GTF3C1: variants seen among roughly 807,000 people sequenced by gnomAD.
The protein encoded by GTF3C1 is general transcription factor IIIC subunit 1.
A neutral mutation model predicts 226.7 loss-of-function variants in GTF3C1; 57 were observed. That is an observed-to-expected ratio of 0.25 (90% CI 0.20 to 0.31). GTF3C1 has a LOEUF of 0.31. GTF3C1 is among the 10% of genes least tolerant of loss of function. GTF3C1 has a pLI of 1.00. For missense variants in GTF3C1, 2,217 were observed against 2,776.1 expected, an observed-to-expected ratio of 0.80 and a Z score of 4.53; for synonymous variants, 1,090 against 1,084.8, an observed-to-expected ratio of 1.00 and a Z score of -0.09.
chr16:27,465,111 C>G (rs1364302735), intron 33 of GTF3C1, 149 bp downstream of exon 33: 1 of 737,440 alleles, frequency 1.4e-6, no homozygotes, highest in Non-Finnish European at 2.2e-6. Context: ...TGTGAAATGC[C>G]CCAGTTTTCA....
At position 27,462,740 on chromosome 16, in the gene GTF3C1, A is replaced by C; in HGVS notation, c.5925-254T>G. 2.1e-6 allele frequency: 1 copy of C among 472,952 alleles called. No homozygotes were observed. The highest frequency in any genetic ancestry group is 3.5e-5 in the South Asian group (1 of 28,614). 29.3% of individuals were successfully genotyped at this position (472,952 alleles called of 1,614,324 possible). On this transcript the variant is annotated intron_variant, in intron 35 of 36. Transcript: ENST00000356183. The surrounding 1 kb of genome is among the most constrained non-coding windows in gnomAD (Gnocchi z 4.5). ...CTGTAACTGAGGCCTCAGTGGGCCC[A>C]CCCACATTGGCAGGAGAGGGACAAG...
At chr16:27,526,230 T>C (rs1478810075) in intron 6 of GTF3C1, among the ~76,000 whole-genome samples, 2 of 152,220 alleles carry the variant, frequency 1.3e-5, no homozygotes, top group African/African-American at 4.8e-5. Context: ...CAAATGGTTC[T>C]AGGAGCCCAC....
At chr16:27,486,465 T>C (rs2088140164) in intron 23 of GTF3C1, among the ~76,000 whole-genome samples, 1 of 152,188 alleles carries the variant, frequency 6.6e-6, no homozygotes, top group Non-Finnish European at 1.5e-5. Context: ...GACAGAGTCC[T>C]TTGAAGGCAT....
chr16:27,476,141 T>C (rs2087946968), intron 29 of GTF3C1, among the ~76,000 whole-genome samples: 2 of 152,172 alleles, frequency 1.3e-5, no homozygotes, highest in African/African-American at 4.8e-5. Context: ...GATCGCCAAG[T>C]GTGCTCACCA....
chr16:27,478,969 A>C (rs888321361), intron 27 of GTF3C1, among the ~76,000 whole-genome samples: 13 of 152,164 alleles, frequency 8.5e-5, no homozygotes, highest in African/African-American at 3.1e-4. Flanking sequence ...AAGGGAAGGA[A>C]TGAAGAAAGG....
At position 27,469,387 on chromosome 16, in the gene GTF3C1, G is replaced by A. The variant is rs758357323; in HGVS notation, c.4978C>T (p.Arg1660Cys). The stretch of plus-strand genomic sequence containing the variant: ...ATGCTGTCGTTGGGGTTGAGGTTGC[G>A]GGTGCTGACGATGCCGGGGGAGTAG... ...GYYSPGIVST[R>C]NLNPNDSIVV... The change falls in exon 32 of 37, where the codon CGC (arginine) becomes TGC (cysteine). Residue 1660 changes from arginine to cysteine, a missense_variant. This residue lies in a region of GTF3C1 where 455 missense variants were observed against 441.9 expected (regional missense o/e 1.03). Transcript: ENST00000356183. The surrounding 1 kb of genome is among the most constrained non-coding windows in gnomAD (Gnocchi z 4.5). 5 of 1,612,964 alleles carry A rather than the reference G, an allele frequency of 3.1e-6. No homozygotes were observed. Among genetic ancestry groups the A allele is most frequent in the East Asian group, 2.2e-5 (1 of 44,876 alleles).
At chr16:27,547,922 A>G (rs1430792358) in intron 1 of GTF3C1, among the ~76,000 whole-genome samples, 1 of 152,110 alleles carries the variant, frequency 6.6e-6, no homozygotes, top group Non-Finnish European at 1.5e-5. Context: ...CTCTTTAAGT[A>G]GGTTAAAAGA....
rs1416228706 is a variant in GTF3C1 at position 27,489,600 on chromosome 16, A to ACGTGGTGTACTCCAG, written c.3280_3293+1dup. On this transcript the variant is annotated splice_donor_variant, in intron 20 of 36. Coordinates refer to ENST00000356183, the MANE Select transcript of GTF3C1 (RefSeq NM_001520.4). LOFTEE classifies it high-confidence loss of function. ...CCGGCCGCGCTTGGGACGGACACGC[A>ACGTGGTGTACTCCAG]CGTGGTGTACTCCAGCATGGCGCAC... 6.2e-7 allele frequency: 1 copy of ACGTGGTGTACTCCAG among 1,605,140 alleles called. No individual in the cohort carries two copies. The highest frequency in any genetic ancestry group is 2.2e-5 in the East Asian group (1 of 44,824).
At chr16:27,540,355 T>C (rs1462748282) in intron 2 of GTF3C1, among the ~76,000 whole-genome samples, 2 of 152,346 alleles carry the variant, frequency 1.3e-5, no homozygotes, top group Middle Eastern at 3.4e-3. Context: ...CTATGCTCTT[T>C]TGTTCTCAAA....
chr16:27,494,619 G>A (rs1238135419), intron 16 of GTF3C1, 144 bp downstream of exon 16: 1 of 614,300 alleles, frequency 1.6e-6, no homozygotes, highest in African/African-American at 1.8e-5. Context: ...CCTTGAATGA[G>A]CATCTGCCTA....
At chr16:27,483,983 T>C (rs1324562941) in intron 25 of GTF3C1, among the ~76,000 whole-genome samples, 1 of 152,154 alleles carries the variant, frequency 6.6e-6, no homozygotes, top group Non-Finnish European at 1.5e-5. Context: ...CACCACCTAC[T>C]TCTCATGGCC....
At position 27,497,939 on chromosome 16, in the gene GTF3C1, T is replaced by C. The variant is rs373025479; in HGVS notation, c.2166-118A>G. The C allele has an allele frequency of 6.3e-5, 49 of 772,592 alleles. 1 individual carries two copies. Among genetic ancestry groups the C allele is most frequent in the Admixed American group, 5.1e-4 (18 of 35,542 alleles). 47.9% of individuals were successfully genotyped at this position (772,592 alleles called of 1,614,324 possible). A position where few individuals can be genotyped will look rare whatever the true frequency, so the allele number is the denominator to read the frequency against. On this transcript the variant is annotated intron_variant, in intron 13 of 36. Transcript: ENST00000356183. ...TTGGCCTGGGGGTTTCAAATTCTGC[T>C]CCTTGTAGGGGCCAGGGAGATGATG...
chr16:27,485,269 C>T (rs1192444315), intron 24 of GTF3C1, among the ~76,000 whole-genome samples: 1 of 152,246 alleles, frequency 6.6e-6, no homozygotes, highest in African/African-American at 2.4e-5. Context: ...CACCCGGGCT[C>T]CTCCAAAGCT....
At chr16:27,481,493 C>T (rs2088047701) in intron 26 of GTF3C1, among the ~76,000 whole-genome samples, 1 of 152,140 alleles carries the variant, frequency 6.6e-6, no homozygotes, top group Non-Finnish European at 1.5e-5. Context: ...TGAGATGACT[C>T]AAACGTGCCC....
At chr16:27,533,966 A>T (rs2088961268) in intron 4 of GTF3C1, among the ~76,000 whole-genome samples, 1 of 152,222 alleles carries the variant, frequency 6.6e-6, no homozygotes, top group South Asian at 2.1e-4. Flanking sequence ...AGATTGCACC[A>T]CTGCATTCCA....
intron 2 of GTF3C1, among the ~76,000 whole-genome samples, chr16:27,539,587 C>A (rs1420548757): frequency 6.6e-6 from 1 of 152,220 alleles, no homozygotes; most frequent in African/African-American, 2.4e-5. Context: ...GGGAACCCAT[C>A]CCTCACTCGT....
Position 27,549,769 on chromosome 16 carries a change from G to A in GTF3C1, c.122C>T (p.Pro41Leu), listed in dbSNP as rs775573600. The A allele has an allele frequency of 1.2e-5, 20 of 1,612,796 alleles. No individual in the cohort carries two copies. The highest frequency in any genetic ancestry group is 1.7e-5 in the Non-Finnish European group (20 of 1,179,854). Residue 41 changes from proline (P) to leucine (L), a missense_variant, in exon 1 of 37, where the codon CCC (proline) becomes CTC (leucine). Coordinates refer to ENST00000356183, the MANE Select transcript of GTF3C1 (RefSeq NM_001520.4). ...RVPPFPLPLE[P>L]CTQEFLWRAL... ...CCGCCAGAGAAACTCCTGCGTGCAG[G>A]GTTCCAAAGGCAGCGGGAAGGGCGG...
At chr16:27,519,740 GAAGGAAAGA>G (rs1289748270) in intron 6 of GTF3C1, among the ~76,000 whole-genome samples, 3 of 152,020 alleles carry the variant, frequency 2.0e-5, no homozygotes, top group Non-Finnish European at 4.4e-5. Context: ...GAGAGAGACA[GAAGGAAAGA>G]AAGGAAAGAG....
chr16:27,471,115 T>C lies in GTF3C1; in HGVS notation c.4526+633A>G, dbSNP rs2087860849. On this transcript the variant is annotated intron_variant, in intron 30 of 36. Coordinates refer to ENST00000356183, the MANE Select transcript of GTF3C1 (RefSeq NM_001520.4). This position sits in a 1 kb window ranked among gnomAD's most constrained non-coding sequence, Gnocchi z 5.0. ...AGAACCAAAAGAAGATTCATGGTGC[T>C]GTCTCTGAGCATCTGACTGCAGCCC... Among the ~76,000 whole-genome samples the C allele has an allele frequency of 6.6e-6, 1 of 152,228 alleles. No homozygotes were observed. Among genetic ancestry groups the C allele is most frequent in the Non-Finnish European group, 1.5e-5 (1 of 68,038 alleles).
Sources: allele counts gnomAD v4.1 joint callset (sites outside exome capture counted in the v4.1 genomes callset), GRCh38; gene constraint gnomAD v4.1.1; regional missense constraint gnomAD v4.1.1; non-coding constraint Gnocchi (gnomAD v3.1); transcripts MANE v1.5; gene names NCBI Gene and HGNC (gene_info 2026-07-23, HGNC 2026-07-21).